The following USP13 variants were observed in gnomAD, a reference collection of about 807,000 sequenced individuals.
USP13 encodes ubiquitin specific peptidase 13.
A neutral mutation model predicts 107.8 loss-of-function variants in USP13; 68 were observed. The ratio of observed to expected loss-of-function variants is 0.63; its 90% CI spans 0.52 to 0.77. The LOEUF is 0.77. Among genes scored for constraint, USP13 ranks in the 30% least tolerant of loss-of-function variants. The probability of loss-of-function intolerance (pLI) is 0.00; values close to 1 mark genes in which losing one functional copy is unlikely to be tolerated. For synonymous variants in USP13, 377 were observed against 389.5 expected (o/e 0.97, Z 0.38); for missense variants, 945 against 1,093.3 (o/e 0.86, Z 1.91).
At chr3:179,659,254 T>C (rs768101583) in intron 1 of USP13, among the ~76,000 whole-genome samples, 2 of 152,168 alleles carry the variant, frequency 1.3e-5, no homozygotes, top group Non-Finnish European at 2.9e-5. Context: ...ACACTTCATG[T>C]TAGGGGCTCA....
intron 19 of USP13, among the ~76,000 whole-genome samples, chr3:179,778,595 C>A (rs1290442369): frequency 6.6e-6 from 1 of 152,114 alleles, no homozygotes; most frequent in African/African-American, 2.4e-5. Flanking sequence ...GAAACCCCGT[C>A]TCTACTAAAA....
At chr3:179,726,972 T>C (rs1369290054) in intron 8 of USP13, among the ~76,000 whole-genome samples, 2 of 152,012 alleles carry the variant, frequency 1.3e-5, no homozygotes, top group Non-Finnish European at 2.9e-5. Flanking sequence ...TTGGAGACTT[T>C]TGAAGCTACC....
intron 8 of USP13, among the ~76,000 whole-genome samples, chr3:179,723,521 C>G (rs1713400476): frequency 6.6e-6 from 1 of 152,126 alleles, no homozygotes. Context: ...CAGAGAGGAG[C>G]CTATGAAGAA....
At chr3:179,680,783 C>T (rs1201764255) in intron 1 of USP13, among the ~76,000 whole-genome samples, 2 of 152,064 alleles carry the variant, frequency 1.3e-5, no homozygotes, top group Non-Finnish European at 2.9e-5. Flanking sequence ...CCTCGTGATC[C>T]GCCTGTCTCA....
At chr3:179,756,860 C>T (rs1054446161) in intron 15 of USP13, among the ~76,000 whole-genome samples, 192 bp from the exon 16 acceptor site, 12 of 152,094 alleles carry the variant, frequency 7.9e-5, no homozygotes, top group South Asian at 4.2e-4. Context: ...CTAACCTAAA[C>T]GCCTGAAAGC....
chr3:179,729,887 G>A (rs1402825300), intron 8 of USP13, among the ~76,000 whole-genome samples: 2 of 152,188 alleles, frequency 1.3e-5, no homozygotes, highest in African/African-American at 4.8e-5. Flanking sequence ...CAAATCCCAG[G>A]CCTCAGTCTC....
At position 179,785,166 on chromosome 3, in the gene USP13, G is replaced by A. The variant is rs886094090; in HGVS notation, c.*1025G>A. The A allele has an allele frequency of 7.9e-5, 12 of 152,100 alleles. No homozygotes were observed. Among genetic ancestry groups the A allele is most frequent in the Admixed American group, 7.2e-4 (11 of 15,274 alleles). 9.4% of individuals were successfully genotyped at this position (152,100 alleles called of 1,614,324 possible). ...TGATAACTCTTTGGAGTCATGTCAA[G>A]TGCCCCAAATTTGTCTGTGATTTTC... On this transcript the variant is annotated 3_prime_UTR_variant, in exon 21 of 21. Coordinates refer to ENST00000263966, the MANE Select transcript of USP13 (RefSeq NM_003940.3).
chr3:179,712,847 C>T (rs1374782885), intron 6 of USP13, among the ~76,000 whole-genome samples: 3 of 151,944 alleles, frequency 2.0e-5, no homozygotes, highest in African/African-American at 2.4e-5. Context: ...TTCAACAAAT[C>T]CTTGACAACT....
intron 1 of USP13, among the ~76,000 whole-genome samples, chr3:179,654,274 A>G (rs2108424432): frequency 6.6e-6 from 1 of 151,968 alleles, no homozygotes; most frequent in African/African-American, 2.4e-5. Flanking sequence ...GGGCAGCAGA[A>G]ATAGGGGATC....
At position 179,653,701 on chromosome 3, in the gene USP13, C is replaced by T; in HGVS notation, c.168+308C>T. ...AAATACAAGAGTTCCCTGTTCCGAA[C>T]TGCACGTTGCAGATCGTTTGCGTCC... On this transcript the variant is annotated intron_variant, in intron 1 of 20. Transcript: ENST00000263966. This position sits in a 1 kb window ranked among gnomAD's most constrained non-coding sequence, Gnocchi z 4.0. 6.5e-6 allele frequency: 2 copies of T among 307,838 alleles called. No homozygotes were observed. The highest frequency in any genetic ancestry group is 9.4e-5 in the South Asian group (2 of 21,238). 19.1% of individuals were successfully genotyped at this position (307,838 alleles called of 1,614,324 possible).
chr3:179,720,028 G>A lies in USP13; in HGVS notation c.894G>A (p.Met298Ile). The stretch of plus-strand genomic sequence containing the variant: ...ATTTTGGAATTGATATGCTTCATAT[G>A]CATGGGGTGAGGTCTCCTTTTGTTT... ...LAHFGIDMLH[M>I]HGTENGLQDN... The change falls in exon 7 of 21, where the codon ATG (methionine) becomes ATA (isoleucine). Residue 298 changes from methionine to isoleucine, a missense_variant. By Grantham distance (10) the Met-to-Ile change is conservative (BLOSUM62 1). Coordinates refer to ENST00000263966, the MANE Select transcript of USP13 (RefSeq NM_003940.3). 6.2e-7 allele frequency: 1 copy of A among 1,613,586 alleles called. No homozygotes were observed. Among genetic ancestry groups the A allele is most frequent in the Non-Finnish European group, 8.5e-7 (1 of 1,179,698 alleles).
chr3:179,707,127 G>T, intron 5 of USP13, 51 bp downstream of exon 5: 1 of 1,537,490 alleles, frequency 6.5e-7, no homozygotes. Flanking sequence ...CTGTCCAAAG[G>T]AATATTTGTT....
chr3:179,724,553 G>A (rs1713447272), intron 8 of USP13, among the ~76,000 whole-genome samples: 1 of 151,950 alleles, frequency 6.6e-6, no homozygotes, highest in Non-Finnish European at 1.5e-5. Flanking sequence ...ACTGGCTTAT[G>A]AACAGCCGTA....
At chr3:179,736,680 G>T (rs1714007711) in intron 10 of USP13, among the ~76,000 whole-genome samples, 1 of 152,216 alleles carries the variant, frequency 6.6e-6, no homozygotes, top group Admixed American at 6.5e-5. Flanking sequence ...AAATGAAATG[G>T]TCACAGAAGT....
At chr3:179,763,970 G>T in intron 17 of USP13, 32 bp from the exon 18 acceptor site, 1 of 1,447,222 alleles carries the variant, frequency 6.9e-7, no homozygotes. Context: ...AAAAAAAAAA[G>T]GAAAAGACTT....
At chr3:179,707,354 A>G (rs1712760890) in intron 5 of USP13, among the ~76,000 whole-genome samples, 1 of 152,074 alleles carries the variant, frequency 6.6e-6, no homozygotes, top group Non-Finnish European at 1.5e-5. Flanking sequence ...GAAGCCAGTT[A>G]TGCCAGTGCA....
In USP13 at chr3:179,785,594, G is replaced by A. The variant is rs1220814369; in HGVS notation, c.*1453G>A. ...CTGTCTGTTTAACATGTATTTGTTT[G>A]GTTGAAAGGATCTTTTTAGAAACTG... is the stretch of plus-strand genomic sequence containing the variant. On this transcript the variant is annotated 3_prime_UTR_variant, in exon 21 of 21. Coordinates refer to ENST00000263966, the MANE Select transcript of USP13 (RefSeq NM_003940.3). 2.0e-5 allele frequency: 3 copies of A among 152,204 alleles called. No individual in the cohort carries two copies. The highest frequency in any genetic ancestry group is 2.9e-5 in the Non-Finnish European group (2 of 68,040). The allele number at this position is 152,204 out of a possible 1,614,324, so 9.4% of individuals were successfully genotyped here. A position where few individuals can be genotyped will look rare whatever the true frequency, so the allele number is the denominator to read the frequency against.
At chr3:179,687,894 A>G (rs1436367373) in intron 2 of USP13, among the ~76,000 whole-genome samples, 1 of 151,964 alleles carries the variant, frequency 6.6e-6, no homozygotes, top group Non-Finnish European at 1.5e-5. Context: ...CATGATCTGG[A>G]GCCTGCAGCC....
At chr3:179,765,507 T>A (rs1482361836) in intron 18 of USP13, among the ~76,000 whole-genome samples, 188 bp from the exon 19 acceptor site, 1 of 152,240 alleles carries the variant, frequency 6.6e-6, no homozygotes, top group East Asian at 1.9e-4. Context: ...GCTGGGAGAC[T>A]TGCAGAATGC....
Sources: gnomAD v4.1 joint callset for allele counts (sites outside exome capture counted in the v4.1 genomes callset) on GRCh38, gnomAD v4.1.1 for gene constraint, Gnocchi (gnomAD v3.1) non-coding constraint, MANE v1.5 for transcripts, NCBI Gene and HGNC (gene_info 2026-07-23, HGNC 2026-07-21) for gene names.